Variants in RPL31 observed in about 807,000 individuals in gnomAD.
The protein encoded by RPL31 is ribosomal protein L31, also known as large ribosomal subunit protein eL31.
For missense variants in RPL31, 95 were observed against 164.0 expected (o/e 0.58, Z 2.30); for synonymous variants, 51 against 55.0 (o/e 0.93, Z 0.32).
At position 101,006,941 on chromosome 2, in the gene RPL31, A is replaced by AAAG. The variant is rs1403029757; in HGVS notation, c.*561_*563dup. On this transcript the variant is annotated 3_prime_UTR_variant, in exon 5 of 5. Transcript: ENST00000264258. Reference sequence around the variant, plus strand: ...ACCTGGAGTCAAGGTTCAGAAGTAAAAAGTTCCTTAAGGTATCAATAACAA... The same window carrying AAAG: ...ACCTGGAGTCAAGGTTCAGAAGTAAAAAGAAGTTCCTTAAGGTATCAATAACAA... 5 of 152,376 alleles carry AAAG rather than the reference A, an allele frequency of 3.3e-5. No homozygotes were observed. The highest frequency in any genetic ancestry group is 2.0e-4 in the Admixed American group (3 of 15,304). The allele number at this position is 152,376 out of a possible 1,614,324, so 9.4% of individuals were successfully genotyped here.
chr2:101,017,734 G>A, intron 4 of RPL31: 2 of 1,031,972 alleles, frequency 1.9e-6, no homozygotes, highest in East Asian at 5.2e-5. Context: ...TTTATCACAG[G>A]CAAGATAGGG....
At chr2:101,011,390 C>T (rs1062059), downstream of RPL31, 326,190 of 1,551,362 alleles carry the variant, frequency 0.21, 35,320 homozygotes, top group Middle Eastern at 0.23. Flanking sequence ...AGGGCAACCC[C>T]GGTGCCTCCC....
chr2:101,007,585 A>G, downstream of RPL31: 1 of 515,048 alleles, frequency 1.9e-6, no homozygotes. Flanking sequence ...AATCCGGTAA[A>G]AATTGTAAGT....
downstream of RPL31, among the ~76,000 whole-genome samples, chr2:101,009,311 C>G (rs13419231): frequency 0.053 from 7,992 of 150,722 alleles, 714 homozygotes; most frequent in African/African-American, 0.19. Flanking sequence ...GAAGCTGAGG[C>G]AGGAGAATGG....
chr2:101,002,486 C>T (rs1377039214), intron 1 of RPL31, 171 bp downstream of exon 1: 1 of 592,556 alleles, frequency 1.7e-6, no homozygotes, highest in Non-Finnish European at 3.1e-6. Context: ...AAGAAAGTGA[C>T]CAGGCTTAGG....
chr2:101,002,584 C>A (rs1678581764), intron 1 of RPL31, 118 bp from the exon 2 acceptor site: 3 of 840,738 alleles, frequency 3.6e-6, no homozygotes, highest in East Asian at 2.6e-5. Context: ...ACCGACTTAG[C>A]CTGGCCAGAC....
In RPL31 at chr2:101,004,227, T is replaced by G. The variant is rs779812172; in HGVS notation, c.177T>G (p.Thr59=). ...AATTTGCCATGAAGGAGATGGGAAC[T>G]CCAGATGTGCGCATTGACACCAGGC... is the stretch of plus-strand genomic sequence containing the variant. ...IRKFAMKEMG[T]PDVRIDTRLN... is the part of the protein sequence containing the mutation. The change falls in exon 3 of 5, where the codon ACT becomes ACG. Residue 59 remains threonine, a synonymous_variant. Coordinates refer to ENST00000264258, the MANE Select transcript of RPL31 (RefSeq NM_000993.5). The G allele has an allele frequency of 1.2e-6, 2 of 1,614,098 alleles. No homozygotes were observed. Among genetic ancestry groups the G allele is most frequent in the Non-Finnish European group, 1.7e-6 (2 of 1,179,980 alleles).
intron 2 of RPL31, among the ~76,000 whole-genome samples, chr2:101,003,410 A>G (rs1440945966): frequency 6.6e-6 from 1 of 152,018 alleles, no homozygotes; most frequent in Non-Finnish European, 1.5e-5. Flanking sequence ...CCTCCCGAGT[A>G]GCTGGGATTA....
rs773218557 is a variant in RPL31 at position 101,006,431 on chromosome 2, G to T, written c.*50G>T. The T allele has an allele frequency of 1.3e-5, 20 of 1,544,814 alleles. No individual in the cohort carries two copies. The Middle Eastern group carries it at 6.7e-4, about 52-fold the overall frequency. ...GTTATAAAATTGCCTTCATGTTTTT[G>T]TTCTTTTTAGTTGCAACATAATGTA... On this transcript the variant is annotated 3_prime_UTR_variant, in exon 5 of 5. Coordinates refer to ENST00000264258, the MANE Select transcript of RPL31 (RefSeq NM_000993.5).
Position 101,003,078 on chromosome 2 carries a change from C to T in RPL31, c.107+270C>T, listed in dbSNP as rs1468699049. Among the ~76,000 whole-genome samples the T allele has an allele frequency of 4.6e-5, 7 of 152,212 alleles. No individual in the cohort carries two copies. In the South Asian group the frequency reaches 1.0e-3, roughly 23 times the overall value. On this transcript the variant is annotated intron_variant, in intron 2 of 4. Coordinates refer to ENST00000264258, the MANE Select transcript of RPL31 (RefSeq NM_000993.5). ...ACTCCTGTTCCCTTCCCTACCCAAA[C>T]ATGCGTGGTCTATTCTCAGATCCTC...
intron 1 of RPL31, 143 bp from the exon 2 acceptor site, chr2:101,002,559 G>A: frequency 1.5e-6 from 1 of 670,804 alleles, no homozygotes; most frequent in Non-Finnish European, 2.6e-6. Context: ...GCGCGGGTGC[G>A]TGGGCCACTG....
intron 4 of RPL31, among the ~76,000 whole-genome samples, chr2:101,018,545 G>A (rs1447471516): frequency 6.6e-6 from 1 of 152,190 alleles, no homozygotes; most frequent in Non-Finnish European, 1.5e-5. Context: ...AAAGACTGGA[G>A]CAGCTTCAAT....
At chr2:101,009,777 G>A (rs971732041), downstream of RPL31, among the ~76,000 whole-genome samples, 2 of 151,474 alleles carry the variant, frequency 1.3e-5, no homozygotes, top group Non-Finnish European at 2.9e-5. Flanking sequence ...TTGAAGGGTC[G>A]TAGTCCACAG....
downstream of RPL31, among the ~76,000 whole-genome samples, chr2:101,009,856 C>T (rs1228620808): frequency 6.8e-6 from 1 of 147,172 alleles, no homozygotes; most frequent in Non-Finnish European, 1.5e-5. Context: ...GAGTCTCGCT[C>T]TGTCGCCCAG....
downstream of RPL31, chr2:101,011,512 C>G: frequency 1.2e-6 from 2 of 1,613,978 alleles, no homozygotes; most frequent in Non-Finnish European, 1.7e-6. Flanking sequence ...TCAACGGCGA[C>G]TGGCTGTCTC....
chr2:101,009,846 G>T (rs1395859255), downstream of RPL31, among the ~76,000 whole-genome samples: 3 of 148,446 alleles, frequency 2.0e-5, no homozygotes. Context: ...TTTTGAGATG[G>T]AGTCTCGCTC....
At chr2:101,017,981 C>T (rs1178726582) in intron 4 of RPL31, 28 of 1,518,014 alleles carry the variant, frequency 1.8e-5, no homozygotes, top group East Asian at 4.9e-5. Context: ...AGGATTCGAA[C>T]GGTTCCAATG....
intron 3 of RPL31, 162 bp downstream of exon 3, chr2:101,004,445 G>GA (rs1438563280): frequency 1.4e-6 from 1 of 712,428 alleles, no homozygotes; most frequent in African/African-American, 1.8e-5. Flanking sequence ...TATCTGCAGG[G>GA]AAGCCCCTTA....
chr2:101,015,572 T>A (rs1219347654), intron 4 of RPL31, among the ~76,000 whole-genome samples: 1 of 152,214 alleles, frequency 6.6e-6, no homozygotes, highest in Non-Finnish European at 1.5e-5. Flanking sequence ...TCTATAAACA[T>A]TTTTCTATCA....
Sources: gnomAD v4.1 joint callset for allele counts (sites outside exome capture counted in the v4.1 genomes callset) on GRCh38, gnomAD v4.1.1 for gene constraint, MANE v1.5 for transcripts, NCBI Gene and HGNC (gene_info 2026-07-23, HGNC 2026-07-21) for gene names.